The following STK32C variants were observed in gnomAD, a reference collection of about 807,000 sequenced individuals.
STK32C encodes serine/threonine-protein kinase 32C.
Under a neutral mutation model 56.5 loss-of-function variants are expected in STK32C, and 31 were observed. That is an observed-to-expected ratio of 0.55 (90% CI 0.41 to 0.74). The LOEUF (loss-of-function observed/expected upper bound fraction) is 0.74, where lower values mean the gene tolerates loss of function less well. Ranked by LOEUF, STK32C falls within the 30% of genes least tolerant of loss-of-function variation. The pLI is 0.00. For synonymous variants in STK32C, 309 were observed against 289.4 expected (o/e 1.07, Z -0.69); for missense variants, 544 against 676.9 (o/e 0.80, Z 2.18).
chr10:132,273,850 A>AGTGAGTCAATG (rs1564766038), intron 1 of STK32C, among the ~76,000 whole-genome samples: 1 of 138,782 alleles, frequency 7.2e-6, no homozygotes, highest in African/African-American at 2.7e-5. Flanking sequence ...ATGAACGCAC[A>AGTGAGTCAATG]GTGAGTGAAT....
At chr10:132,248,969 T>G in intron 1 of STK32C, 1 of 456,928 alleles carries the variant, frequency 2.2e-6, no homozygotes, top group Non-Finnish European at 4.4e-6. Context: ...CAAAATCTAT[T>G]AAATAACAAG....
chr10:132,261,601 T>C (rs1391633994), intron 1 of STK32C, among the ~76,000 whole-genome samples: 1 of 152,000 alleles, frequency 6.6e-6, no homozygotes, highest in Non-Finnish European at 1.5e-5. Flanking sequence ...CCTGTCTCTA[T>C]TAAAATACAG....
intron 1 of STK32C, among the ~76,000 whole-genome samples, chr10:132,264,854 A>C (rs1418121302): frequency 7.9e-5 from 12 of 152,236 alleles, no homozygotes; most frequent in African/African-American, 2.9e-4. Context: ...AGACGTAAAA[A>C]ATCATGTGAA....
intron 10 of STK32C, among the ~76,000 whole-genome samples, chr10:132,221,460 G>A (rs1204513935): frequency 6.8e-5 from 9 of 131,520 alleles, no homozygotes; most frequent in African/African-American, 2.7e-4. Context: ...ACTCACAACT[G>A]ACATCAACGC....
At chr10:132,322,320 T>G (rs2066425798), downstream of STK32C, among the ~76,000 whole-genome samples, 1 of 152,274 alleles carries the variant, frequency 6.6e-6, no homozygotes, top group African/African-American at 2.4e-5. Flanking sequence ...GATTATAGTC[T>G]GGATACTAAT....
At chr10:132,318,741 A>C (rs1466148608) in intron 1 of STK32C, among the ~76,000 whole-genome samples, 1 of 152,194 alleles carries the variant, frequency 6.6e-6, no homozygotes, top group African/African-American at 2.4e-5. Context: ...TGGGCAAATA[A>C]AATTTTTAAA....
intron 2 of STK32C, chr10:132,228,334 G>C: frequency 3.1e-6 from 2 of 644,710 alleles, no homozygotes; most frequent in Non-Finnish European, 5.5e-6. Context: ...TGGGGATTAA[G>C]ATGTGGGTGT....
intron 1 of STK32C, among the ~76,000 whole-genome samples, chr10:132,273,540 T>A (rs1393235463): frequency 6.6e-6 from 1 of 151,532 alleles, no homozygotes; most frequent in East Asian, 1.9e-4. Context: ...AGCAAATGAG[T>A]AAATGAGATG....
intron 1 of STK32C, among the ~76,000 whole-genome samples, chr10:132,293,615 G>C (rs2138319076): frequency 6.6e-6 from 1 of 152,364 alleles, no homozygotes; most frequent in East Asian, 1.9e-4. Flanking sequence ...GCCGTGGGCA[G>C]AGCTCTTTTA....
intron 1 of STK32C, among the ~76,000 whole-genome samples, chr10:132,289,369 T>G (rs4390274): frequency 0.41 from 62,689 of 152,126 alleles, 14,299 homozygotes; most frequent in African/African-American, 0.61. Context: ...AAATGAATGG[T>G]TGAGCCATAA....
intron 1 of STK32C, among the ~76,000 whole-genome samples, chr10:132,269,445 C>CA (rs1264824045): frequency 6.6e-6 from 1 of 152,216 alleles, no homozygotes; most frequent in Admixed American, 6.5e-5. Flanking sequence ...GGCTGCCTCC[C>CA]AGCCCTGCTG....
intron 1 of STK32C, among the ~76,000 whole-genome samples, chr10:132,293,799 G>T (rs73383273): frequency 0.05 from 7,545 of 152,264 alleles, 648 homozygotes; most frequent in African/African-American, 0.17. Context: ...ACTGCCTGGG[G>T]AATGGGGGTG....
intron 1 of STK32C, among the ~76,000 whole-genome samples, chr10:132,256,613 C>G (rs1040499377): frequency 6.6e-6 from 1 of 152,152 alleles, no homozygotes; most frequent in Non-Finnish European, 1.5e-5. Flanking sequence ...TCCAGCTCCC[C>G]AAACCGCTGG....
intron 1 of STK32C, among the ~76,000 whole-genome samples, chr10:132,251,195 A>G: frequency 6.6e-6 from 1 of 152,316 alleles, no homozygotes; most frequent in South Asian, 2.1e-4. Context: ...CTGGGTCCCC[A>G]GGCCATGAAT....
At chr10:132,245,703 A>G (rs1487248444) in intron 2 of STK32C, among the ~76,000 whole-genome samples, 197 bp downstream of exon 2, 1 of 152,240 alleles carries the variant, frequency 6.6e-6, no homozygotes. Context: ...CATGGGGCCC[A>G]GTCTGATGGC....
At chr10:132,296,302 A>T (rs2065745499) in intron 1 of STK32C, among the ~76,000 whole-genome samples, 1 of 151,904 alleles carries the variant, frequency 6.6e-6, no homozygotes, top group Non-Finnish European at 1.5e-5. Flanking sequence ...GTAACACGGG[A>T]TCTTGGGACA....
intron 1 of STK32C, among the ~76,000 whole-genome samples, chr10:132,329,057 T>C (rs976650486): frequency 6.6e-5 from 10 of 152,206 alleles, no homozygotes; most frequent in Non-Finnish European, 1.3e-4. Context: ...AGCCATCAAC[T>C]GGTAAATTCC....
At chr10:132,274,281 C>T (rs776799705) in intron 1 of STK32C, among the ~76,000 whole-genome samples, 4 of 152,156 alleles carry the variant, frequency 2.6e-5, no homozygotes, top group African/African-American at 9.7e-5. Context: ...AGGACTCACA[C>T]GAGGGTAATG....
At chr10:132,301,549 C>T (rs770118901) in intron 1 of STK32C, among the ~76,000 whole-genome samples, 61 of 152,188 alleles carry the variant, frequency 4.0e-4, no homozygotes, top group Admixed American at 2.3e-3. Context: ...ACAGGATGCT[C>T]CGCCCAAAAG....
Sources: allele counts gnomAD v4.1 joint callset (sites outside exome capture counted in the v4.1 genomes callset), GRCh38; gene constraint gnomAD v4.1.1; transcripts MANE v1.5; gene names NCBI Gene and HGNC (gene_info 2026-07-23, HGNC 2026-07-21).